Variants in RNF17 observed in about 807,000 individuals in gnomAD.
RNF17 encodes ring finger protein 17.
Under a neutral mutation model 200.5 loss-of-function variants are expected in RNF17, and 31 were observed. The observed-to-expected ratio is 0.15, with a 90% CI of 0.12 to 0.21. The LOEUF (loss-of-function observed/expected upper bound fraction) is 0.21, where lower values mean the gene tolerates loss of function less well. RNF17 is among the 10% of genes least tolerant of loss of function. The pLI, the probability that RNF17 is intolerant of heterozygous loss-of-function variation, is 1.00. For synonymous variants in RNF17, 606 were observed against 637.8 expected (o/e 0.95, Z 0.75); for missense variants, 1,628 against 1,905.1 (o/e 0.85, Z 2.71).
intron 15 of RNF17, chr13:24,824,092 A>G (rs1888380251): frequency 1.5e-6 from 1 of 683,280 alleles, no homozygotes; most frequent in Non-Finnish European, 2.7e-6. Context: ...GGAAGAGGGT[A>G]GGGTGAGGCA....
Position 24,864,899 on chromosome 13 carries a change from A to G in RNF17, c.4002A>G (p.Lys1334=). The change falls in exon 29 of 36, where the codon AAA becomes AAG. Residue 1334 remains lysine (K), a synonymous_variant. Transcript: ENST00000255324. ...AGTTACCTAAAAATCCATGGGAGAA[A>G]TTGTCTATTCACCTCTATTTTGATG... is the stretch of plus-strand genomic sequence containing the variant. ...IMELPKNPWE[K]LSIHLYFDGM... is the part of the protein sequence containing the mutation. The G allele has an allele frequency of 6.4e-7, 1 of 1,561,042 alleles. No homozygotes were observed. The highest frequency in any genetic ancestry group is 8.7e-7 in the Non-Finnish European group (1 of 1,143,076).
chr13:24,782,598 G>C (rs1882538945), intron 6 of RNF17, among the ~76,000 whole-genome samples: 1 of 105,304 alleles, frequency 9.5e-6, no homozygotes, highest in African/African-American at 3.0e-5. Context: ...ACTTTGGGAG[G>C]CTGAGATGGG....
chr13:24,766,317 C>T (rs1210769264), intron 1 of RNF17, among the ~76,000 whole-genome samples: 1 of 152,140 alleles, frequency 6.6e-6, no homozygotes, highest in Non-Finnish European at 1.5e-5. Flanking sequence ...AGTTTTTTTC[C>T]CTTTTCAGTT....
intron 13 of RNF17, among the ~76,000 whole-genome samples, chr13:24,801,406 G>A (rs1262879306): frequency 1.6e-4 from 25 of 152,164 alleles, no homozygotes; most frequent in Admixed American, 1.6e-3. Context: ...ACTTTGGGAG[G>A]CCGAGATGGG....
At chr13:24,856,676 T>G (rs1446403936) in intron 25 of RNF17, among the ~76,000 whole-genome samples, 1 of 152,222 alleles carries the variant, frequency 6.6e-6, no homozygotes, top group Admixed American at 6.5e-5. Context: ...TAAGGTTCCA[T>G]ATATGCACGA....
chr13:24,826,416 G>A (rs906699466), intron 16 of RNF17, among the ~76,000 whole-genome samples: 5 of 152,184 alleles, frequency 3.3e-5, no homozygotes, highest in Admixed American at 6.5e-5. Context: ...ACCATAGGCA[G>A]TTTAACCCAT....
chr13:24,834,665 C>G lies in RNF17; in HGVS notation c.2482+2687C>G, dbSNP rs537145635. On this transcript the variant is annotated intron_variant, in intron 18 of 35. Coordinates refer to ENST00000255324, the MANE Select transcript of RNF17 (RefSeq NM_031277.3). ...CAGCGAAATATAGGGGTAGAAGAAG[C>G]AGCAGAAAGGCCCTGGGAGCTCACT... Among the ~76,000 whole-genome samples the G allele has an allele frequency of 2.3e-4, 35 of 152,288 alleles. 1 individual carries two copies. In the South Asian group the frequency reaches 6.4e-3, roughly 28 times the overall value.
At chr13:24,852,323 A>G (rs1050604356) in intron 24 of RNF17, among the ~76,000 whole-genome samples, 1 of 151,992 alleles carries the variant, frequency 6.6e-6, no homozygotes. Flanking sequence ...TATTTTTAGT[A>G]GAGACGGGGT....
chr13:24,764,743 C>T (rs1009684172), intron 1 of RNF17, among the ~76,000 whole-genome samples: 3 of 152,086 alleles, frequency 2.0e-5, no homozygotes, highest in Non-Finnish European at 2.9e-5. Flanking sequence ...ACAAGTAGAC[C>T]ATTGTGAAAT....
intron 32 of RNF17, 67 bp from the exon 33 acceptor site, chr13:24,874,047 A>G: frequency 6.5e-7 from 1 of 1,542,280 alleles, no homozygotes; most frequent in Non-Finnish European, 8.8e-7. Context: ...TGATATGCTG[A>G]TTTCCTTTGG....
At position 24,767,257 on chromosome 13, in the gene RNF17, G is replaced by T; in HGVS notation, c.131-15G>T. 1.3e-6 allele frequency: 2 copies of T among 1,541,066 alleles called. No homozygotes were observed. The highest frequency in any genetic ancestry group is 1.8e-6 in the Non-Finnish European group (2 of 1,116,082). ...TCATCATCATCAAAATAATAATTAAGAATTTCATCAATAGGTCACCATTGT... is the reference window on the plus strand; with the variant it reads ...TCATCATCATCAAAATAATAATTAATAATTTCATCAATAGGTCACCATTGT... On this transcript the variant is annotated splice_polypyrimidine_tract_variant and intron_variant, in intron 1 of 35. Coordinates refer to ENST00000255324, the MANE Select transcript of RNF17 (RefSeq NM_031277.3).
At chr13:24,827,736 A>C (rs1298420944) in intron 16 of RNF17, among the ~76,000 whole-genome samples, 1 of 143,504 alleles carries the variant, frequency 7.0e-6, no homozygotes. Flanking sequence ...AAAAAACAAT[A>C]GAAATTTACT....
At chr13:24,851,632 C>A in intron 24 of RNF17, 61 bp downstream of exon 24, 1 of 968,688 alleles carries the variant, frequency 1.0e-6, no homozygotes, top group Non-Finnish European at 1.6e-6. Context: ...GTTGCGTGTG[C>A]AAATCTTATG....
chr13:24,869,735 AG>A (rs1294676900), intron 31 of RNF17, among the ~76,000 whole-genome samples: 3 of 152,056 alleles, frequency 2.0e-5, no homozygotes, highest in African/African-American at 7.3e-5. Flanking sequence ...CAGTCTCAGG[AG>A]TCACACACTG....
At chr13:24,810,781 G>A (rs1182537271) in intron 15 of RNF17, among the ~76,000 whole-genome samples, 14 of 148,420 alleles carry the variant, frequency 9.4e-5, no homozygotes, top group East Asian at 8.0e-4. Context: ...AGCTGGTACC[G>A]GTTGTTCCTT....
chr13:24,802,290 C>G, intron 13 of RNF17, 91 bp from the exon 14 acceptor site: 1 of 1,151,228 alleles, frequency 8.7e-7, no homozygotes, highest in Non-Finnish European at 1.2e-6. Context: ...TTCGCAGTTG[C>G]GTCTGTGGTT....
At chr13:24,872,910 T>A (rs939605694) in intron 32 of RNF17, among the ~76,000 whole-genome samples, 8 of 152,094 alleles carry the variant, frequency 5.3e-5, no homozygotes, top group African/African-American at 1.7e-4. Context: ...GGGATCAAAG[T>A]TTTAAGTAAT....
chr13:24,854,179 C>T, intron 25 of RNF17, 35 bp downstream of exon 25: 1 of 1,490,034 alleles, frequency 6.7e-7, no homozygotes, highest in African/African-American at 1.4e-5. Context: ...CTCTAGTTCT[C>T]TAGTACGAAC....
At chr13:24,860,853 A>C (rs1893018536) in intron 26 of RNF17, among the ~76,000 whole-genome samples, 1 of 151,842 alleles carries the variant, frequency 6.6e-6, no homozygotes, top group Admixed American at 6.6e-5. Context: ...GAAATTTTTG[A>C]AATCCAGATT....
Sources: gnomAD v4.1 joint callset for allele counts (sites outside exome capture counted in the v4.1 genomes callset) on GRCh38, gnomAD v4.1.1 for gene constraint, MANE v1.5 for transcripts, NCBI Gene and HGNC (gene_info 2026-07-23, HGNC 2026-07-21) for gene names.